Variants in LRP1B observed in about 807,000 individuals in gnomAD.
The protein encoded by LRP1B is LDL receptor related protein 1B, also known as low-density lipoprotein receptor-related protein 1B.
A neutral mutation model predicts 556.6 loss-of-function variants in LRP1B; 217 were observed. The ratio of observed to expected loss-of-function variants is 0.39; its 90% CI spans 0.35 to 0.44. The LOEUF is 0.44. LRP1B is among the 20% of genes least tolerant of loss of function. The pLI is 1.00. For synonymous variants in LRP1B, 2,047 were observed against 1,865.8 expected (o/e 1.10, Z -2.50); for missense variants, 5,053 against 5,620.8 (o/e 0.90, Z 3.23).
At chr2:141,046,417 C>T (rs998784386) in intron 11 of LRP1B, among the ~76,000 whole-genome samples, 9 of 151,990 alleles carry the variant, frequency 5.9e-5, no homozygotes, top group South Asian at 2.1e-4. Flanking sequence ...TGCTTTGACA[C>T]GTTAATCTCA....
chr2:140,915,561 G>A (rs1694549811), intron 21 of LRP1B, among the ~76,000 whole-genome samples: 1 of 151,574 alleles, frequency 6.6e-6, no homozygotes, highest in Non-Finnish European at 1.5e-5. Flanking sequence ...GGCTGAGGCA[G>A]ATATTGCTTG....
chr2:140,748,685 G>C (rs1232957681), intron 35 of LRP1B, among the ~76,000 whole-genome samples: 1 of 117,680 alleles, frequency 8.5e-6, no homozygotes, highest in East Asian at 2.6e-4. Flanking sequence ...ATTATTGCTA[G>C]GAATTTTTTA....
chr2:141,607,881 C>T (rs1443641949), intron 2 of LRP1B, among the ~76,000 whole-genome samples: 1 of 152,098 alleles, frequency 6.6e-6, no homozygotes, highest in Non-Finnish European at 1.5e-5. Flanking sequence ...TGTAATCATG[C>T]CACTGCCCTT....
At chr2:140,541,728 G>A (rs2105019411) in intron 44 of LRP1B, 51 bp downstream of exon 44, 1 of 1,351,732 alleles carries the variant, frequency 7.4e-7, no homozygotes, top group Non-Finnish European at 1.0e-6. Flanking sequence ...CATTTTTAGA[G>A]ATCAGAGATT....
At chr2:140,907,444 C>A (rs1033399217) in intron 22 of LRP1B, among the ~76,000 whole-genome samples, 1 of 152,066 alleles carries the variant, frequency 6.6e-6, no homozygotes, top group Admixed American at 6.6e-5. Context: ...ATTATCCAGT[C>A]TCTTTCCCTT....
chr2:140,507,094 A>T (rs1689451490), intron 52 of LRP1B, among the ~76,000 whole-genome samples, 176 bp from the exon 53 acceptor site: 1 of 152,218 alleles, frequency 6.6e-6, no homozygotes, highest in Non-Finnish European at 1.5e-5. Context: ...ATGTATTTAT[A>T]TTAGAATGTC....
At chr2:141,182,108 T>C (rs1681026866) in intron 7 of LRP1B, among the ~76,000 whole-genome samples, 1 of 152,006 alleles carries the variant, frequency 6.6e-6, no homozygotes, top group South Asian at 2.1e-4. Context: ...GGCAGATAGC[T>C]GCTGCATACT....
At chr2:141,570,439 C>T (rs1686485241) in intron 2 of LRP1B, among the ~76,000 whole-genome samples, 1 of 151,240 alleles carries the variant, frequency 6.6e-6, no homozygotes, top group Admixed American at 6.6e-5. Flanking sequence ...ACTTGCGAAT[C>T]TACACCACCA....
At chr2:141,946,190 C>A (rs1180724366) in intron 1 of LRP1B, among the ~76,000 whole-genome samples, 1 of 152,066 alleles carries the variant, frequency 6.6e-6, no homozygotes, top group Non-Finnish European at 1.5e-5. Flanking sequence ...ACTATGATCA[C>A]AAAGTTCTTC....
chr2:141,169,287 A>AAAATAAATAAAT (rs201628193), intron 7 of LRP1B, among the ~76,000 whole-genome samples: 3 of 137,786 alleles, frequency 2.2e-5, no homozygotes, highest in Admixed American at 7.4e-5. Flanking sequence ...CTCTGTCTCA[A>AAAATAAATAAAT]AAATAAATAA....
intron 41 of LRP1B, among the ~76,000 whole-genome samples, chr2:140,624,196 T>A (rs975139306): frequency 2.0e-5 from 3 of 151,764 alleles, no homozygotes; most frequent in Non-Finnish European, 2.9e-5. Context: ...ACAGAAAAAA[T>A]TCGGCCAAAT....
At chr2:140,249,177 C>T (rs145912312) in intron 86 of LRP1B, among the ~76,000 whole-genome samples, 3 of 151,670 alleles carry the variant, frequency 2.0e-5, no homozygotes, top group African/African-American at 7.2e-5. Context: ...AGTGGAATTG[C>T]TTGAGAATTA....
intron 6 of LRP1B, among the ~76,000 whole-genome samples, chr2:141,207,209 G>A (rs1369336020): frequency 6.6e-6 from 1 of 152,110 alleles, no homozygotes; most frequent in Admixed American, 6.6e-5. Flanking sequence ...TGATTTAAGT[G>A]GTGAGGTTTC....
At chr2:140,473,433 T>C (rs888979066) in intron 60 of LRP1B, among the ~76,000 whole-genome samples, 5 of 151,994 alleles carry the variant, frequency 3.3e-5, no homozygotes, top group African/African-American at 1.2e-4. Flanking sequence ...GTACCATTTC[T>C]ACCTGTTACA....
intron 4 of LRP1B, among the ~76,000 whole-genome samples, chr2:141,249,094 C>G (rs1457487817): frequency 1.3e-5 from 2 of 151,920 alleles, no homozygotes; most frequent in African/African-American, 2.4e-5. Context: ...TGTAGGGCAG[C>G]CTTGAGTAAA....
chr2:141,946,434 T>C (rs1449112694), intron 1 of LRP1B, among the ~76,000 whole-genome samples: 1 of 152,174 alleles, frequency 6.6e-6, no homozygotes, highest in East Asian at 1.9e-4. Flanking sequence ...GGTGGAACTT[T>C]AGACGTGAAT....
chr2:141,943,886 A>C (rs893635580), intron 1 of LRP1B, among the ~76,000 whole-genome samples: 4 of 152,084 alleles, frequency 2.6e-5, no homozygotes, highest in Non-Finnish European at 4.4e-5. Flanking sequence ...GGGGGATGGA[A>C]TTATTGGGCA....
intron 31 of LRP1B, among the ~76,000 whole-genome samples, chr2:140,834,680 G>A (rs1482182368): frequency 6.6e-6 from 1 of 152,148 alleles, no homozygotes; most frequent in Non-Finnish European, 1.5e-5. Flanking sequence ...ACACTTGGAG[G>A]AGCCAGAACC....
At chr2:141,826,015 G>T (rs145916904) in intron 1 of LRP1B, among the ~76,000 whole-genome samples, 122 of 152,066 alleles carry the variant, frequency 8.0e-4, no homozygotes, top group African/African-American at 2.8e-3. Context: ...GAATTAGAGT[G>T]TTATGATCAA....
Sources: gnomAD v4.1 joint callset for allele counts (sites outside exome capture counted in the v4.1 genomes callset) on GRCh38, gnomAD v4.1.1 for gene constraint, MANE v1.5 for transcripts, NCBI Gene and HGNC (gene_info 2026-07-23, HGNC 2026-07-21) for gene names.